Variants in ZBTB18 observed in about 807,000 individuals in gnomAD.
ZBTB18 encodes the protein zinc finger and BTB domain containing 18.
ZBTB18 carries 2 observed loss-of-function variants against 37.7 expected under a neutral mutation model. The observed-to-expected ratio is 0.05, with a 90% CI of 0.02 to 0.17. The LOEUF is 0.17. Among genes scored for constraint, ZBTB18 ranks in the 10% least tolerant of loss-of-function variants. The pLI, the probability that ZBTB18 is intolerant of heterozygous loss-of-function variation, is 1.00. For synonymous variants in ZBTB18, 304 were observed against 276.5 expected (o/e 1.10, Z -0.99); for missense variants, 408 against 686.3 (o/e 0.59, Z 4.53).
At chr1:244,049,905 AC>A (rs1376082477), upstream of ZBTB18, among the ~76,000 whole-genome samples, 1 of 151,266 alleles carries the variant, frequency 6.6e-6, no homozygotes, top group African/African-American at 2.4e-5. Flanking sequence ...ACTGTCACTC[AC>A]CCCCCACCCC....
In ZBTB18 at chr1:244,054,569, C is replaced by T; in HGVS notation, c.795C>T (p.Ser265=). The T allele has an allele frequency of 6.2e-7, 1 of 1,614,226 alleles. No individual in the cohort carries two copies. The highest frequency in any genetic ancestry group is 8.5e-7 in the Non-Finnish European group (1 of 1,180,042). The change falls in exon 2 of 2, where the codon AGC becomes AGT. Residue 265 remains serine, a synonymous_variant. Transcript: ENST00000358704. The surrounding 1 kb of genome is among the most constrained non-coding windows in gnomAD (Gnocchi z 9.0). ...SSLSGVENLN[S]SYFSSQDVLR... ...TTTCAGGAGTTGAAAATCTGAACAG[C>T]TCTTATTTCTCTTCACAGGACGTGC...
rs1044246749 is a variant in ZBTB18 at position 244,055,625 on chromosome 1, A to G, written c.*255A>G. ...GGAAGTAAGCCAATAAGAACCTTTTAAACAAATCGTCCTGTCACAAAATGC... is the reference window on the plus strand; with the variant it reads ...GGAAGTAAGCCAATAAGAACCTTTTGAACAAATCGTCCTGTCACAAAATGC... On this transcript the variant is annotated 3_prime_UTR_variant, in exon 2 of 2. Coordinates refer to ENST00000358704, the MANE Select transcript of ZBTB18 (RefSeq NM_205768.3). The surrounding 1 kb of genome is among the most constrained non-coding windows in gnomAD (Gnocchi z 7.0). 6.0e-6 allele frequency: 1 copy of G among 167,184 alleles called. No individual in the cohort carries two copies. Among genetic ancestry groups the G allele is most frequent in the Non-Finnish European group, 1.5e-5 (1 of 68,572 alleles). The allele number at this position is 167,184 out of a possible 1,614,324, so 10.4% of individuals were successfully genotyped here.
Position 244,054,385 on chromosome 1 carries a change from C to T in ZBTB18, c.611C>T (p.Pro204Leu), listed in dbSNP as rs1698412159. ...TTGCCCTCAGACTCAGCAGGCATCC[C>T]CCAGGCTGGCGGAGAGGCAGAGCCA... ...MRLPSDSAGI[P>L]QAGGEAEPHA... Residue 204 changes from proline to leucine, a missense_variant, in exon 2 of 2, where the codon CCC becomes CTC. Around this residue, in one of 4 missense-constraint regions of ZBTB18, gnomAD observed 266 missense variants for 312.0 expected, o/e 0.85. Coordinates refer to ENST00000358704, the MANE Select transcript of ZBTB18 (RefSeq NM_205768.3). This position sits in a 1 kb window ranked among gnomAD's most constrained non-coding sequence, Gnocchi z 9.0. The T allele has an allele frequency of 6.2e-7, 1 of 1,614,184 alleles. No homozygotes were observed. The highest frequency in any genetic ancestry group is 1.1e-5 in the South Asian group (1 of 91,088).
chr1:244,049,946 T>A (rs770295524), upstream of ZBTB18, among the ~76,000 whole-genome samples: 1 of 152,156 alleles, frequency 6.6e-6, no homozygotes, highest in Non-Finnish European at 1.5e-5. Flanking sequence ...TAATGTCTGA[T>A]ATATTGGAAT....
chr1:244,051,293 G>A lies in ZBTB18; in HGVS notation c.-139G>A. 4 of 862,948 alleles carry A rather than the reference G, an allele frequency of 4.6e-6. No homozygotes were observed. The South Asian group carries it at 4.8e-5, about 10-fold the overall frequency. 53.5% of individuals were successfully genotyped at this position (862,948 alleles called of 1,614,324 possible). A position where few individuals can be genotyped will look rare whatever the true frequency, so the allele number is the denominator to read the frequency against. On this transcript the variant is annotated 5_prime_UTR_variant, in exon 1 of 2. Transcript: ENST00000358704. The stretch of plus-strand genomic sequence containing the variant: ...CACAGACAGGGAGTTAGTGTGTGCG[G>A]ATCTGTGGTGGAGAAGGTATCTCAT...
chr1:244,054,764 G>T lies in ZBTB18; in HGVS notation c.990G>T (p.Ser330=). Residue 330 remains serine, a synonymous_variant, in exon 2 of 2, where the codon TCG becomes TCT. Transcript: ENST00000358704. This position sits in a 1 kb window ranked among gnomAD's most constrained non-coding sequence, Gnocchi z 9.0. Reference sequence around the variant, plus strand: ...ATCTGGCTCCCCTGAGGGAGGACTCGGTCTTGAGGGAGCTGGACCGGGAGG... The same window carrying T: ...ATCTGGCTCCCCTGAGGGAGGACTCTGTCTTGAGGGAGCTGGACCGGGAGG... ...PAHLAPLRED[S]VLRELDREDK... is the part of the protein sequence containing the mutation. The T allele has an allele frequency of 6.2e-7, 1 of 1,614,118 alleles. No homozygotes were observed. The highest frequency in any genetic ancestry group is 8.5e-7 in the Non-Finnish European group (1 of 1,180,014).
At position 244,056,802 on chromosome 1, in the gene ZBTB18, G is replaced by GC. The variant is rs1698483363; in HGVS notation, c.*1434dup. ...GTGGATTGCGGCAGCAGAGGCTGCA[G>GC]CCTAACGTGTGGTTTTAATGACCAG... On this transcript the variant is annotated 3_prime_UTR_variant, in exon 2 of 2. Transcript: ENST00000358704. 6.0e-6 allele frequency: 1 copy of GC among 167,068 alleles called. No individual in the cohort carries two copies. Among genetic ancestry groups the GC allele is most frequent in the Non-Finnish European group, 1.5e-5 (1 of 68,140 alleles). 10.3% of individuals were successfully genotyped at this position (167,068 alleles called of 1,614,324 possible).
Position 244,053,734 on chromosome 1 carries a change from G to A in ZBTB18, c.14-54G>A, listed in dbSNP as rs1572530337. The A allele has an allele frequency of 6.4e-7, 1 of 1,551,052 alleles. No individual in the cohort carries two copies. Among genetic ancestry groups the A allele is most frequent in the Non-Finnish European group, 8.7e-7 (1 of 1,151,180 alleles). On this transcript the variant is annotated intron_variant, in intron 1 of 1. Coordinates refer to ENST00000358704, the MANE Select transcript of ZBTB18 (RefSeq NM_205768.3). This position sits in a 1 kb window ranked among gnomAD's most constrained non-coding sequence, Gnocchi z 5.2. Reference sequence around the variant, plus strand: ...TTAATTTTTTTATATGGGGACTGGAGCGCTGAAAAGTTGTTCCTGACCAGG... The same window carrying A: ...TTAATTTTTTTATATGGGGACTGGAACGCTGAAAAGTTGTTCCTGACCAGG...
At chr1:244,052,154 T>C (rs1167434668) in intron 1 of ZBTB18, among the ~76,000 whole-genome samples, 1 of 152,224 alleles carries the variant, frequency 6.6e-6, no homozygotes, top group African/African-American at 2.4e-5. Context: ...ACTCCTCTAT[T>C]CTTAATCTCT....
chr1:244,049,125 G>A (rs919872116), upstream of ZBTB18: 1 of 145,188 alleles, frequency 6.9e-6, no homozygotes, highest in African/African-American at 2.5e-5. Flanking sequence ...GGCCGGGTCG[G>A]GGGCGCCCCC....
rs1440771024 is a variant in ZBTB18 at position 244,055,430 on chromosome 1, A to G, written c.*60A>G. The stretch of plus-strand genomic sequence containing the variant: ...CATATATATAAATAGATCTCTATAT[A>G]GTTGTGGTACGGTCTAAAAGCAGTC... On this transcript the variant is annotated 3_prime_UTR_variant, in exon 2 of 2. Coordinates refer to ENST00000358704, the MANE Select transcript of ZBTB18 (RefSeq NM_205768.3). The surrounding 1 kb of genome is among the most constrained non-coding windows in gnomAD (Gnocchi z 7.0). 1.6e-6 allele frequency: 1 copy of G among 608,522 alleles called. No individual in the cohort carries two copies. Among genetic ancestry groups the G allele is most frequent in the African/African-American group, 2.0e-5 (1 of 51,114 alleles). The allele number at this position is 608,522 out of a possible 1,614,324, so 37.7% of individuals were successfully genotyped here.
At chr1:244,049,112 G>GCGGGC (rs1429217162), upstream of ZBTB18, 2 of 145,524 alleles carry the variant, frequency 1.4e-5, no homozygotes, top group Non-Finnish European at 3.1e-5. Context: ...CGGGCGGAGG[G>GCGGGC]CGGGCCGGGT....
chr1:244,054,187 A>G lies in ZBTB18; in HGVS notation c.413A>G (p.Lys138Arg), dbSNP rs139674878. 6.2e-6 allele frequency: 10 copies of G among 1,614,188 alleles called. No homozygotes were observed. The highest frequency in any genetic ancestry group is 4.5e-5 in the East Asian group (2 of 44,874). ...EKATTEADSTKKEEDASSCSD... is the reference protein window; with the variant it reads ...EKATTEADSTRKEEDASSCSD... Reference sequence around the variant, plus strand: ...GCCACCACGGAGGCAGACAGCACCAAAAAGGAAGAAGATGCTTCAAGTTGT... The same window carrying G: ...GCCACCACGGAGGCAGACAGCACCAGAAAGGAAGAAGATGCTTCAAGTTGT... The change falls in exon 2 of 2, where the codon AAA becomes AGA. Residue 138 changes from lysine to arginine, a missense_variant. Lys to Arg is a conservative substitution (Grantham distance 26). Transcript: ENST00000358704. This position sits in a 1 kb window ranked among gnomAD's most constrained non-coding sequence, Gnocchi z 9.0.
rs1698473637 is a variant in ZBTB18, at chr1:244,056,580, T to C, written c.*1210T>C. On this transcript the variant is annotated 3_prime_UTR_variant, in exon 2 of 2. Transcript: ENST00000358704. Reference sequence around the variant, plus strand: ...GAATAACTACTGCACAAGTTGACAATAGGTCGTTCTCTCTTTTTTTTTGTT... The same window carrying C: ...GAATAACTACTGCACAAGTTGACAACAGGTCGTTCTCTCTTTTTTTTTGTT... 6.2e-6 allele frequency: 1 copy of C among 161,854 alleles called. No homozygotes were observed. Among genetic ancestry groups the C allele is most frequent in the Non-Finnish European group, 1.5e-5 (1 of 66,232 alleles). The allele number at this position is 161,854 out of a possible 1,614,324, so 10.0% of individuals were successfully genotyped here. A position where few individuals can be genotyped will look rare whatever the true frequency, so the allele number is the denominator to read the frequency against.
At position 244,053,912 on chromosome 1, in the gene ZBTB18, G is replaced by T; in HGVS notation, c.138G>T (p.Ala46=). 6.2e-7 allele frequency: 1 copy of T among 1,614,088 alleles called. No individual in the cohort carries two copies. Among genetic ancestry groups the T allele is most frequent in the Non-Finnish European group, 8.5e-7 (1 of 1,180,016 alleles). Residue 46 remains alanine, a synonymous_variant, in exon 2 of 2, where the codon GCG becomes GCT. Transcript: ENST00000358704. The surrounding 1 kb of genome is among the most constrained non-coding windows in gnomAD (Gnocchi z 5.2). ...TVLVGDAQFR[A]HRAVLASCSM... is the part of the protein sequence containing the mutation. ...TGGTGGGAGATGCCCAGTTCCGAGC[G>T]CACCGAGCTGTACTGGCTTCATGCA...
upstream of ZBTB18, chr1:244,048,821 G>C (rs957086611): frequency 2.7e-5 from 4 of 148,900 alleles, no homozygotes; most frequent in African/African-American, 9.8e-5. Flanking sequence ...GGAGGGGCGG[G>C]GGGGAGCGGG....
Position 244,056,937 on chromosome 1 carries a change from T to C in ZBTB18, c.*1567T>C. 1 of 167,100 alleles carries C rather than the reference T, an allele frequency of 6.0e-6. No homozygotes were observed. Among genetic ancestry groups the C allele is most frequent in the Middle Eastern group, 3.4e-3 (1 of 296 alleles). 10.4% of individuals were successfully genotyped at this position (167,100 alleles called of 1,614,324 possible). On this transcript the variant is annotated 3_prime_UTR_variant, in exon 2 of 2. Transcript: ENST00000358704. The stretch of plus-strand genomic sequence containing the variant: ...GTTTGCTGTTTTTCCCTTTTTTTTT[T>C]AATTGCTTTTGTTTAAAATTTGATC...
chr1:244,056,830 C>CGCAAG lies in ZBTB18; in HGVS notation c.*1465_*1469dup. 1.8e-5 allele frequency: 3 copies of CGCAAG among 167,114 alleles called. No individual in the cohort carries two copies. The South Asian group carries it at 6.2e-4, about 35-fold the overall frequency. 10.4% of individuals were successfully genotyped at this position (167,114 alleles called of 1,614,324 possible). A position where few individuals can be genotyped will look rare whatever the true frequency, so the allele number is the denominator to read the frequency against. On this transcript the variant is annotated 3_prime_UTR_variant, in exon 2 of 2. Coordinates refer to ENST00000358704, the MANE Select transcript of ZBTB18 (RefSeq NM_205768.3). ...TAACGTGTGGTTTTAATGACCAGCA[C>CGCAAG]GCAAGGCAAAAGCATTTTGCACAGT...
upstream of ZBTB18, among the ~76,000 whole-genome samples, chr1:244,049,455 AG>A (rs928743434): frequency 8.4e-5 from 1 of 11,912 alleles, no homozygotes; most frequent in Non-Finnish European, 1.9e-4. Context: ...CGCCCGGGGG[AG>A]GGGGCCGGCG....
Sources: gnomAD v4.1 joint callset for allele counts (sites outside exome capture counted in the v4.1 genomes callset) on GRCh38, gnomAD v4.1.1 for gene constraint, gnomAD v4.1.1 regional missense constraint, Gnocchi (gnomAD v3.1) non-coding constraint, MANE v1.5 for transcripts, NCBI Gene and HGNC (gene_info 2026-07-23, HGNC 2026-07-21) for gene names.